CADPS: variants seen among roughly 807,000 people sequenced by gnomAD.
CADPS encodes calcium-dependent secretion activator 1.
A neutral mutation model predicts 167.3 loss-of-function variants in CADPS; 57 were observed. That is an observed-to-expected ratio of 0.34 (90% CI 0.28 to 0.42). The LOEUF is 0.42. CADPS is among the 20% of genes least tolerant of loss of function. The pLI is 1.00. For missense variants in CADPS, 1,414 were observed against 1,738.1 expected, an observed-to-expected ratio of 0.81 and a Z score of 3.32; for synonymous variants, 676 against 635.3, an observed-to-expected ratio of 1.06 and a Z score of -0.96.
intron 1 of CADPS, among the ~76,000 whole-genome samples, chr3:62,803,844 T>A (rs2152822136): frequency 6.6e-6 from 1 of 152,236 alleles, no homozygotes; most frequent in South Asian, 2.1e-4. Context: ...TTGTCCTACA[T>A]CCTCTCACCA....
chr3:62,613,109 G>A (rs2061723709), intron 6 of CADPS, among the ~76,000 whole-genome samples: 1 of 152,178 alleles, frequency 6.6e-6, no homozygotes, highest in East Asian at 1.9e-4. Context: ...GCTGAGACCA[G>A]ATGGAGGAGG....
At chr3:62,791,841 C>A (rs918133233) in intron 1 of CADPS, among the ~76,000 whole-genome samples, 1 of 152,190 alleles carries the variant, frequency 6.6e-6, no homozygotes, top group Non-Finnish European at 1.5e-5. Context: ...ATCCTTTAAA[C>A]AGAAACAGTT....
At chr3:62,804,728 G>A (rs1281800800) in intron 1 of CADPS, among the ~76,000 whole-genome samples, 3 of 151,758 alleles carry the variant, frequency 2.0e-5, no homozygotes, top group Non-Finnish European at 4.4e-5. Context: ...AATATTGGGA[G>A]GCTGTAGTTC....
chr3:62,692,835 G>A (rs1313229807), intron 3 of CADPS, among the ~76,000 whole-genome samples: 1 of 151,972 alleles, frequency 6.6e-6, no homozygotes, highest in Non-Finnish European at 1.5e-5. Context: ...TTTAGGGACA[G>A]CTGACATCTT....
At chr3:62,675,809 A>G (rs906925357) in intron 3 of CADPS, among the ~76,000 whole-genome samples, 2 of 152,118 alleles carry the variant, frequency 1.3e-5, no homozygotes, top group African/African-American at 4.8e-5. Flanking sequence ...ATCCTCTGTG[A>G]AACTGTTTTT....
intron 3 of CADPS, among the ~76,000 whole-genome samples, chr3:62,732,819 T>C (rs912382553): frequency 8.5e-5 from 13 of 152,108 alleles, no homozygotes; most frequent in Admixed American, 8.5e-4. Flanking sequence ...ATAAGGGAGA[T>C]AATACTCTGT....
intron 3 of CADPS, among the ~76,000 whole-genome samples, chr3:62,716,034 T>C (rs304199): frequency 0.78 from 118,774 of 151,520 alleles, 46,895 homozygotes; most frequent in East Asian, 0.98. Flanking sequence ...AGTGAGCCAC[T>C]GCATCCGACC....
At position 62,420,237 on chromosome 3, in the gene CADPS, A is replaced by C. The variant is rs1560134826; in HGVS notation, c.3778-17052T>G. ...AATCCTAGAATTTGAAGACAATAAGACCCAACAACTCTAACTGGGTTAAGA... is the reference window on the plus strand; with the variant it reads ...AATCCTAGAATTTGAAGACAATAAGCCCCAACAACTCTAACTGGGTTAAGA... On this transcript the variant is annotated intron_variant, in intron 28 of 29. Transcript: ENST00000383710. The surrounding 1 kb of genome is among the most constrained non-coding windows in gnomAD (Gnocchi z 4.1). Among the ~76,000 whole-genome samples the C allele has an allele frequency of 6.6e-6, 1 of 152,186 alleles. No homozygotes were observed. The highest frequency in any genetic ancestry group is 2.4e-5 in the African/African-American group (1 of 41,448).
chr3:62,813,619 C>T (rs2094483714), intron 1 of CADPS, among the ~76,000 whole-genome samples: 1 of 152,032 alleles, frequency 6.6e-6, no homozygotes. Context: ...GTAATGGGAC[C>T]TAATTAAACT....
chr3:62,682,909 T>C (rs1042375571), intron 3 of CADPS, among the ~76,000 whole-genome samples: 2 of 152,112 alleles, frequency 1.3e-5, no homozygotes, highest in African/African-American at 4.8e-5. Flanking sequence ...AACAAGATTA[T>C]GTGAAAGAAC....
At chr3:62,589,097 A>G (rs2085339840) in intron 7 of CADPS, among the ~76,000 whole-genome samples, 1 of 152,240 alleles carries the variant, frequency 6.6e-6, no homozygotes, top group African/African-American at 2.4e-5. Flanking sequence ...AAAGGTTATT[A>G]AAAACAAAAC....
chr3:62,792,403 C>A (rs2093029368), intron 1 of CADPS, among the ~76,000 whole-genome samples: 1 of 151,888 alleles, frequency 6.6e-6, no homozygotes, highest in African/African-American at 2.4e-5. Context: ...CAGGGTCTTA[C>A]TAAGTTGCCA....
intron 11 of CADPS, among the ~76,000 whole-genome samples, chr3:62,546,800 T>A (rs1052874645): frequency 2.0e-5 from 3 of 152,126 alleles, no homozygotes; most frequent in Non-Finnish European, 1.5e-5. Context: ...TGTTTATAAT[T>A]TATATGAAAA....
intron 3 of CADPS, among the ~76,000 whole-genome samples, chr3:62,687,163 G>A (rs978930542): frequency 6.6e-6 from 1 of 152,090 alleles, no homozygotes; most frequent in Non-Finnish European, 1.5e-5. Flanking sequence ...CTTAGATCAG[G>A]GTTGAGGGGG....
chr3:62,540,965 A>G (rs1020189509), intron 11 of CADPS, among the ~76,000 whole-genome samples: 1 of 152,186 alleles, frequency 6.6e-6, no homozygotes, highest in African/African-American at 2.4e-5. Context: ...AATTCAGGAC[A>G]TTCTGGGATC....
intron 6 of CADPS, among the ~76,000 whole-genome samples, chr3:62,613,776 C>T (rs955204345): frequency 1.6e-4 from 25 of 152,176 alleles, no homozygotes; most frequent in African/African-American, 5.5e-4. Context: ...CGGGTAAAAC[C>T]GATAGCTGAA....
chr3:62,728,320 G>A (rs2077127706), intron 3 of CADPS, among the ~76,000 whole-genome samples: 3 of 151,916 alleles, frequency 2.0e-5, no homozygotes, highest in South Asian at 4.2e-4. Context: ...TCTGCAGGGA[G>A]GTGGATGTTA....
At chr3:62,583,081 G>T (rs1484381726) in intron 8 of CADPS, among the ~76,000 whole-genome samples, 2 of 151,970 alleles carry the variant, frequency 1.3e-5, no homozygotes, top group East Asian at 3.9e-4. Context: ...TTTAAAAAAA[G>T]CACTTTAGAG....
At chr3:62,555,838 T>G (rs900094331) in intron 10 of CADPS, among the ~76,000 whole-genome samples, 3 of 152,052 alleles carry the variant, frequency 2.0e-5, no homozygotes, top group African/African-American at 7.2e-5. Flanking sequence ...ACTCCTAGGC[T>G]CAAGCAATCC....
Sources: gnomAD v4.1 joint callset for allele counts (sites outside exome capture counted in the v4.1 genomes callset) on GRCh38, gnomAD v4.1.1 for gene constraint, Gnocchi (gnomAD v3.1) non-coding constraint, MANE v1.5 for transcripts, NCBI Gene and HGNC (gene_info 2026-07-23, HGNC 2026-07-21) for gene names.